FAM162B: variants seen among roughly 807,000 people sequenced by gnomAD.
FAM162B encodes the protein protein FAM162B.
FAM162B carries 16 observed loss-of-function variants against 20.0 expected under a neutral mutation model. The ratio of observed to expected loss-of-function variants is 0.80; its 90% CI spans 0.54 to 1.21. FAM162B has a LOEUF of 1.21. FAM162B is among the 50% of genes most tolerant of loss of function. FAM162B has a pLI of 0.00. For missense variants in FAM162B, 260 were observed against 227.5 expected (o/e 1.14, Z -0.92); for synonymous variants, 83 against 89.7 (o/e 0.93, Z 0.42).
chr6:116,761,262 G>A (rs1013648342), intron 3 of FAM162B, among the ~76,000 whole-genome samples: 3 of 152,152 alleles, frequency 2.0e-5, no homozygotes, highest in Admixed American at 6.6e-5. Context: ...AGGGTAGTCA[G>A]CTCTTAATTT....
intron 3 of FAM162B, among the ~76,000 whole-genome samples, chr6:116,759,762 TC>T (rs1780116702): frequency 6.6e-6 from 1 of 152,166 alleles, no homozygotes; most frequent in African/African-American, 2.4e-5. Flanking sequence ...ATCTGGACTC[TC>T]CCTGTCTCAT....
At chr6:116,752,736 ATACACG>A (rs1780006603) in intron 3 of FAM162B, 41 bp from the exon 4 acceptor site, 1 of 536,248 alleles carries the variant, frequency 1.9e-6, no homozygotes, top group Non-Finnish European at 2.7e-6. Context: ...ATATATATAG[ATACACG>A]TATATATATA....
At chr6:116,757,694 A>C (rs1780067984) in intron 3 of FAM162B, among the ~76,000 whole-genome samples, 1 of 146,682 alleles carries the variant, frequency 6.8e-6, no homozygotes, top group Non-Finnish European at 1.5e-5. Flanking sequence ...GGATGCAGGG[A>C]GCCAAGATCA....
chr6:116,765,010 T>G, intron 2 of FAM162B, 137 bp downstream of exon 2: 1 of 733,704 alleles, frequency 1.4e-6, no homozygotes, highest in Non-Finnish European at 2.4e-6. Flanking sequence ...GTAAACTCCG[T>G]GTGTGGTGGG....
At chr6:116,754,852 G>A (rs1780035543) in intron 3 of FAM162B, among the ~76,000 whole-genome samples, 1 of 151,952 alleles carries the variant, frequency 6.6e-6, no homozygotes, top group African/African-American at 2.4e-5. Flanking sequence ...CATAACATCT[G>A]TTATGGTAAT....
chr6:116,754,578 G>A (rs1295949776), intron 3 of FAM162B, among the ~76,000 whole-genome samples: 2 of 152,192 alleles, frequency 1.3e-5, no homozygotes, highest in Non-Finnish European at 2.9e-5. Flanking sequence ...CCTCCTCTAT[G>A]TCAGGAGTTG....
chr6:116,762,516 ATT>A (rs1771807410), intron 2 of FAM162B, among the ~76,000 whole-genome samples: 1 of 151,048 alleles, frequency 6.6e-6, no homozygotes, highest in Non-Finnish European at 1.5e-5. Context: ...CATTTTTATC[ATT>A]TTGTTTTTTT....
Position 116,765,474 on chromosome 6 carries a change from G to C in FAM162B, c.103C>G (p.Leu35Val), listed in dbSNP as rs775366828. The part of the protein sequence containing the change: ...LEATRRPAPA[L>V]PPRGLPCYSS... The stretch of plus-strand genomic sequence containing the variant: ...TAGCAGGGGAGACCCCGGGGCGGAA[G>C]AGCCGGTGCGGGCCGTCGCGTGGCC... The change falls in exon 1 of 4, where the codon CTT becomes GTT. Residue 35 changes from leucine to valine, a missense_variant. Transcript: ENST00000368557. 6.3e-6 allele frequency: 9 copies of C among 1,418,420 alleles called. No homozygotes were observed. Among genetic ancestry groups the C allele is most frequent in the Admixed American group, 3.1e-5 (1 of 32,006 alleles). 87.9% of individuals were successfully genotyped at this position (1,418,420 alleles called of 1,614,324 possible).
At chr6:116,760,288 C>A (rs1362943066) in intron 3 of FAM162B, among the ~76,000 whole-genome samples, 1 of 152,082 alleles carries the variant, frequency 6.6e-6, no homozygotes, top group African/African-American at 2.4e-5. Flanking sequence ...CAGAGAAAAT[C>A]CCTGGCTATT....
At chr6:116,763,780 T>TTC (rs1280168033) in intron 2 of FAM162B, among the ~76,000 whole-genome samples, 1 of 151,292 alleles carries the variant, frequency 6.6e-6, no homozygotes, top group Non-Finnish European at 1.5e-5. Context: ...ATTTTAATTT[T>TTC]TTTTTTTTTT....
At chr6:116,757,642 A>T (rs929875111) in intron 3 of FAM162B, among the ~76,000 whole-genome samples, 8 of 151,728 alleles carry the variant, frequency 5.3e-5, no homozygotes, top group African/African-American at 1.7e-4. Flanking sequence ...CCAGATACTT[A>T]GGAGGCTGAG....
intron 2 of FAM162B, among the ~76,000 whole-genome samples, chr6:116,762,571 A>C (rs1771813365): frequency 6.6e-6 from 1 of 152,058 alleles, no homozygotes; most frequent in African/African-American, 2.4e-5. Flanking sequence ...GCTACCCCCA[A>C]AAGACACACT....
intron 3 of FAM162B, 150 bp downstream of exon 3, chr6:116,761,827 C>T (rs564035872): frequency 1.6e-5 from 8 of 492,426 alleles, no homozygotes; most frequent in East Asian, 1.5e-4. Flanking sequence ...AATCCTGAAT[C>T]GAGAACAATG....
At chr6:116,763,124 A>G (rs539626551) in intron 2 of FAM162B, among the ~76,000 whole-genome samples, 10 of 152,256 alleles carry the variant, frequency 6.6e-5, no homozygotes, top group African/African-American at 2.4e-4. Flanking sequence ...GAGTGATGTA[A>G]GTTTTAAGAT....
rs1771891884 is a variant in FAM162B, at chr6:116,765,429, TG to T, written c.147del (p.Ser50AlafsTer48). 2.1e-6 allele frequency: 3 copies of T among 1,443,222 alleles called. No individual in the cohort carries two copies. The highest frequency in any genetic ancestry group is 1.8e-6 in the Non-Finnish European group (2 of 1,097,030). The allele number at this position is 1,443,222 out of a possible 1,614,324, so 89.4% of individuals were successfully genotyped here. On this transcript the variant is annotated frameshift_variant, in exon 1 of 4. Coordinates refer to ENST00000368557, the MANE Select transcript of FAM162B (RefSeq NM_001085480.3). LOFTEE classifies it high-confidence loss of function. The stretch of plus-strand genomic sequence containing the variant: ...CCGTGACCTTGGGGCCCAGAATTGC[TG>T]GGGGCCCCGCCGCTGGAGTAGCAGG... ...GLPCYSSGGA[P>X]SNSGPQGHGE... is the part of the protein sequence containing the mutation.
chr6:116,764,665 A>C (rs573097152), intron 2 of FAM162B, among the ~76,000 whole-genome samples: 4 of 152,006 alleles, frequency 2.6e-5, no homozygotes, highest in African/African-American at 9.7e-5. Context: ...AGGAGGCCGC[A>C]TGGATGCGTC....
chr6:116,762,919 C>A (rs1218552135), intron 2 of FAM162B, among the ~76,000 whole-genome samples: 1 of 151,826 alleles, frequency 6.6e-6, no homozygotes, highest in Non-Finnish European at 1.5e-5. Flanking sequence ...TAAAGAATTT[C>A]ATTCATTATA....
chr6:116,754,213 A>G (rs1780027265), intron 3 of FAM162B, among the ~76,000 whole-genome samples: 1 of 152,178 alleles, frequency 6.6e-6, no homozygotes. Context: ...AGGGAGACCA[A>G]ATTCCTTTAT....
intron 2 of FAM162B, among the ~76,000 whole-genome samples, chr6:116,763,929 G>A (rs575042266): frequency 9.8e-4 from 149 of 152,168 alleles, no homozygotes; most frequent in Non-Finnish European, 2.0e-3. Flanking sequence ...TATAGATCTC[G>A]AGGAAAAATA....
Sources: allele counts gnomAD v4.1 joint callset (sites outside exome capture counted in the v4.1 genomes callset), GRCh38; gene constraint gnomAD v4.1.1; transcripts MANE v1.5; gene names NCBI Gene and HGNC (gene_info 2026-07-23, HGNC 2026-07-21).